Variants in GLIS3 observed in about 807,000 individuals in gnomAD.
GLIS3 encodes the protein zinc finger protein GLIS3.
GLIS3 carries 53 observed loss-of-function variants against 78.6 expected under a neutral mutation model. The observed-to-expected ratio is 0.67, with a 90% CI of 0.54 to 0.85. GLIS3 has a LOEUF of 0.85. Among genes scored for constraint, GLIS3 ranks in the 40% least tolerant of loss-of-function variants. GLIS3 has a pLI of 0.00. For synonymous variants in GLIS3, 684 were observed against 509.9 expected (o/e 1.34, Z -4.60); for missense variants, 1,703 against 1,231.1 (o/e 1.38, Z -5.74).
At chr9:3,852,560 C>A (rs1819501506) in intron 9 of GLIS3, among the ~76,000 whole-genome samples, 1 of 152,170 alleles carries the variant, frequency 6.6e-6, no homozygotes, top group Non-Finnish European at 1.5e-5. Context: ...CTCATTTTAC[C>A]CTCAGCATTG....
the GLIS3 span, among the ~76,000 whole-genome samples, chr9:4,403,968 G>A: frequency 3.9e-5 from 6 of 152,084 alleles, no homozygotes. Flanking sequence ...ATGATCTGTT[G>A]CCTACAAGAA....
At chr9:4,318,509 T>C (rs541582149) in intron 2 of GLIS3, among the ~76,000 whole-genome samples, 2 of 152,242 alleles carry the variant, frequency 1.3e-5, no homozygotes, top group Admixed American at 1.3e-4. Context: ...CAAAATAACA[T>C]AGGAGCCAGC....
Position 4,286,207 on chromosome 9 carries a change from G to C in GLIS3, c.219C>G (p.Asn73Lys), listed in dbSNP as rs764619575. Reference protein sequence around the residue: ...PSGGGMAPQNNVAESRIHLPA... With the variant: ...PSGGGMAPQNKVAESRIHLPA... ...GCAGATGGATGCGGCTCTCAGCCAC[G>C]TTGTTCTGAGGAGCCATCCCTCCTC... Residue 73 changes from asparagine to lysine, a missense_variant, in exon 2 of 11, where the codon AAC becomes AAG. Asn to Lys is a moderately conservative substitution (Grantham distance 94). Transcript: ENST00000381971. 1.2e-6 allele frequency: 2 copies of C among 1,614,214 alleles called. No homozygotes were observed. The highest frequency in any genetic ancestry group is 1.3e-5 in the African/African-American group (1 of 75,046).
intron 4 of GLIS3, among the ~76,000 whole-genome samples, chr9:4,092,964 G>A (rs557350995): frequency 1.3e-5 from 2 of 152,250 alleles, no homozygotes; most frequent in South Asian, 4.1e-4. Flanking sequence ...ATAATGAATT[G>A]CTCCATGATG....
At chr9:4,079,609 C>T (rs1406607058) in intron 4 of GLIS3, among the ~76,000 whole-genome samples, 2 of 152,152 alleles carry the variant, frequency 1.3e-5, no homozygotes, top group Non-Finnish European at 2.9e-5. Context: ...CAGAGGAATG[C>T]CTTTATCCCC....
chr9:3,880,356 A>C (rs1196012815), intron 7 of GLIS3, among the ~76,000 whole-genome samples: 1 of 152,216 alleles, frequency 6.6e-6, no homozygotes, highest in East Asian at 1.9e-4. Context: ...CATTTAGATC[A>C]GCTAATTGGT....
chr9:4,190,776 C>A (rs1265184387), intron 2 of GLIS3, among the ~76,000 whole-genome samples: 1 of 151,998 alleles, frequency 6.6e-6, no homozygotes, highest in Non-Finnish European at 1.5e-5. Flanking sequence ...TTAAGGGCAG[C>A]CAGAGAGAAA....
chr9:3,835,187 A>ACCACCAC (rs1167063404), intron 9 of GLIS3, among the ~76,000 whole-genome samples: 1 of 152,232 alleles, frequency 6.6e-6, no homozygotes, highest in Non-Finnish European at 1.5e-5. Context: ...AGGCTGGGGA[A>ACCACCAC]CCACCACCAA....
At chr9:4,234,515 C>G (rs144525614) in intron 2 of GLIS3, among the ~76,000 whole-genome samples, 314 of 152,230 alleles carry the variant, frequency 2.1e-3, no homozygotes, top group African/African-American at 7.1e-3. Context: ...TCATGACACC[C>G]TAAAACAATT....
At chr9:4,316,738 C>T (rs1241116144) in intron 2 of GLIS3, among the ~76,000 whole-genome samples, 6 of 152,086 alleles carry the variant, frequency 3.9e-5, no homozygotes, top group Non-Finnish European at 2.9e-5. Context: ...GGATAAGCTT[C>T]GACCATCTGC....
At chr9:4,173,448 C>A (rs918247621) in intron 2 of GLIS3, among the ~76,000 whole-genome samples, 1 of 151,988 alleles carries the variant, frequency 6.6e-6, no homozygotes, top group African/African-American at 2.4e-5. Context: ...GCTTCAAATT[C>A]TTGGAACAAT....
chr9:4,368,475 G>A, the GLIS3 span, among the ~76,000 whole-genome samples: 1 of 151,954 alleles, frequency 6.6e-6, no homozygotes, highest in Admixed American at 6.6e-5. Context: ...CTCCCAAGTA[G>A]CCGGGACTAC....
intron 4 of GLIS3, among the ~76,000 whole-genome samples, chr9:4,099,317 C>T (rs536221873): frequency 5.5e-4 from 84 of 152,264 alleles, no homozygotes; most frequent in African/African-American, 1.8e-3. Context: ...GAAGGAGAAT[C>T]GGTTCTATGC....
the GLIS3 span, among the ~76,000 whole-genome samples, chr9:4,394,928 C>G: frequency 6.6e-6 from 1 of 152,200 alleles, no homozygotes; most frequent in East Asian, 1.9e-4. Context: ...GCTATCTAAT[C>G]CATCTGGCTG....
Position 4,012,777 on chromosome 9 carries a change from T to TC in GLIS3, c.1711-75589_1711-75588insG, listed in dbSNP as rs1460372504. On this transcript the variant is annotated intron_variant, in intron 4 of 10. Coordinates refer to ENST00000381971, the MANE Select transcript of GLIS3 (RefSeq NM_001042413.2). ...TTTTTTTCTTTTTCTTTTTTTTTTT[T>TC]TTTTTTTTTTTTGAGACAGTGTTTT... Among the ~76,000 whole-genome samples, 60 of 144,086 alleles carry TC rather than the reference T, an allele frequency of 4.2e-4. 1 individual carries two copies. The East Asian group carries it at 1.0e-2, about 24-fold the overall frequency. The allele number at this position is 144,086 out of a possible 152,430, so 94.5% of individuals were successfully genotyped here.
At chr9:4,035,716 T>A (rs952186703) in intron 4 of GLIS3, 1 of 152,192 alleles carries the variant, frequency 6.6e-6, no homozygotes, top group Non-Finnish European at 1.5e-5. Flanking sequence ...TCCAACTTCC[T>A]AGAAGGCACA....
the GLIS3 span, among the ~76,000 whole-genome samples, chr9:4,427,353 A>G: frequency 1.3e-5 from 2 of 152,212 alleles, no homozygotes; most frequent in Admixed American, 6.5e-5. Flanking sequence ...TTTAGCAACT[A>G]TTAGATGCCA....
At chr9:4,203,567 A>G (rs1048402734) in intron 2 of GLIS3, among the ~76,000 whole-genome samples, 1 of 152,220 alleles carries the variant, frequency 6.6e-6, no homozygotes, top group African/African-American at 2.4e-5. Flanking sequence ...AGAATTATTA[A>G]TACTATTTCA....
the GLIS3 span, among the ~76,000 whole-genome samples, chr9:4,437,894 A>C: frequency 6.6e-6 from 1 of 152,222 alleles, no homozygotes; most frequent in African/African-American, 2.4e-5. Context: ...TGAAGGATAC[A>C]GCATATAATA....
Sources: allele counts gnomAD v4.1 joint callset (sites outside exome capture counted in the v4.1 genomes callset), GRCh38; gene constraint gnomAD v4.1.1; transcripts MANE v1.5; gene names NCBI Gene and HGNC (gene_info 2026-07-23, HGNC 2026-07-21).